VTI1A: variants seen among roughly 807,000 people sequenced by gnomAD.
VTI1A encodes vesicle transport through interaction with t-SNAREs 1A, also known as vesicle transport through interaction with t-SNAREs homolog 1A.
Under a neutral mutation model 34.9 loss-of-function variants are expected in VTI1A, and 22 were observed. The ratio of observed to expected loss-of-function variants is 0.63; its 90% CI spans 0.45 to 0.90. The LOEUF is 0.90. Among genes scored for constraint, VTI1A ranks in the 40% least tolerant of loss-of-function variants. VTI1A has a pLI of 0.00. For synonymous variants in VTI1A, 87 were observed against 97.3 expected, an observed-to-expected ratio of 0.89 and a Z score of 0.62; for missense variants, 268 against 275.6, an observed-to-expected ratio of 0.97 and a Z score of 0.20.
chr10:112,799,804 T>A (rs1371126485), intron 7 of VTI1A, among the ~76,000 whole-genome samples: 2 of 152,140 alleles, frequency 1.3e-5, no homozygotes. Context: ...GACAGCACAC[T>A]CTGCAGCGGT....
At chr10:112,460,357 C>G (rs972642801) in intron 1 of VTI1A, among the ~76,000 whole-genome samples, 167 bp from the exon 2 acceptor site, 3 of 151,664 alleles carry the variant, frequency 2.0e-5, no homozygotes, top group African/African-American at 7.3e-5. Flanking sequence ...AGCCTGGAAT[C>G]AATGGCTTAA....
rs547431344 is a variant in VTI1A, at chr10:112,736,799, C to T, written c.560+67801C>T. 4.8e-5 allele frequency: 68 copies of T among 1,419,870 alleles called. No homozygotes were observed. In the South Asian group the frequency reaches 8.1e-4, roughly 17 times the overall value. The allele number at this position is 1,419,870 out of a possible 1,614,324, so 88.0% of individuals were successfully genotyped here. On this transcript the variant is annotated intron_variant, in intron 7 of 7. Transcript: ENST00000393077. Reference sequence around the variant, plus strand: ...AACCAGAACCAGCCAGTGGAAATTACTCAAACACGTATTGTGCCTTCAATG... The same window carrying T: ...AACCAGAACCAGCCAGTGGAAATTATTCAAACACGTATTGTGCCTTCAATG...
chr10:112,752,638 CT>C, intron 7 of VTI1A: 1 of 942,780 alleles, frequency 1.1e-6, no homozygotes, highest in Non-Finnish European at 1.3e-6. Context: ...GGCCCATTTG[CT>C]TTAGCTAGGT....
chr10:112,586,317 A>G (rs1844155887), intron 5 of VTI1A, among the ~76,000 whole-genome samples: 1 of 152,166 alleles, frequency 6.6e-6, no homozygotes, highest in Admixed American at 6.5e-5. Context: ...ATTTTAAAAT[A>G]AGAACTAACC....
chr10:112,486,936 G>T lies in VTI1A; in HGVS notation c.264+22279G>T, dbSNP rs78564717. Among the ~76,000 whole-genome samples the T allele has an allele frequency of 3.3e-5, 5 of 151,246 alleles. No homozygotes were observed. In the East Asian group the frequency reaches 7.8e-4, roughly 24 times the overall value. ...TTGCCACATTTAATCTCTCTTTACC[G>T]CAGTGCATTGTGTATGGTTCTGTTA... On this transcript the variant is annotated intron_variant, in intron 3 of 7. Transcript: ENST00000393077.
At chr10:112,771,851 G>T (rs997239792) in intron 7 of VTI1A, among the ~76,000 whole-genome samples, 18 of 152,080 alleles carry the variant, frequency 1.2e-4, no homozygotes, top group Admixed American at 5.9e-4. Context: ...TGTTTTTAAG[G>T]TTTATCCTGG....
At chr10:112,854,500 C>T in the VTI1A span, among the ~76,000 whole-genome samples, 2 of 151,576 alleles carry the variant, frequency 1.3e-5, no homozygotes, top group African/African-American at 4.8e-5. Flanking sequence ...TTACAGTCAC[C>T]AGCTGGGCCC....
At chr10:112,527,386 A>G in intron 4 of VTI1A, 1 of 379,346 alleles carries the variant, frequency 2.6e-6, no homozygotes, top group East Asian at 4.3e-5. Context: ...TTTTAAAAAA[A>G]TCTTTTCTTC....
At position 112,748,657 on chromosome 10, in the gene VTI1A, G is replaced by A. The variant is rs554278528; in HGVS notation, c.561-66633G>A. ...TTTTTTTTTTTTGAGACGGAGTCTC[G>A]CTCTGTCGCCCAGGCTGGAGTGCAG... On this transcript the variant is annotated intron_variant, in intron 7 of 7. Coordinates refer to ENST00000393077, the MANE Select transcript of VTI1A (RefSeq NM_145206.4). 3.7e-3 allele frequency among the ~76,000 whole-genome samples: 433 copies of A among 116,798 alleles called. 2 individuals are homozygous for A. Among genetic ancestry groups the A allele is most frequent in the African/African-American group, 4.6e-3 (126 of 27,564 alleles). 76.6% of individuals were successfully genotyped at this position (116,798 alleles called of 152,430 possible).
chr10:112,852,811 G>C, the VTI1A span, among the ~76,000 whole-genome samples: 1 of 152,074 alleles, frequency 6.6e-6, no homozygotes, highest in Non-Finnish European at 1.5e-5. Context: ...ACAGAGTCTT[G>C]CTCTGTCGCC....
At chr10:112,622,747 T>C (rs1393306320) in intron 5 of VTI1A, among the ~76,000 whole-genome samples, 1 of 152,232 alleles carries the variant, frequency 6.6e-6, no homozygotes, top group African/African-American at 2.4e-5. Context: ...AGCTATACTT[T>C]CCAGTATTGG....
In VTI1A at chr10:112,817,898, C is replaced by T; in HGVS notation, c.*2515C>T. ...ATGGAGGAGGAAGAAGAGAAGGAAG[C>T]CCTTGCCATATAAAATTCATGCAGA... On this transcript the variant is annotated 3_prime_UTR_variant, in exon 8 of 8. Coordinates refer to ENST00000393077, the MANE Select transcript of VTI1A (RefSeq NM_145206.4). The T allele has an allele frequency of 4.3e-6, 1 of 233,084 alleles. No homozygotes were observed. The allele number at this position is 233,084 out of a possible 1,614,324, so 14.4% of individuals were successfully genotyped here.
rs143997685 is a variant in VTI1A at position 112,640,093 on chromosome 10, A to G, written c.428-28125A>G. Among the ~76,000 whole-genome samples, 362 of 152,300 alleles carry G rather than the reference A, an allele frequency of 2.4e-3. 3 individuals are homozygous for G. Among genetic ancestry groups the G allele is most frequent in the Admixed American group, 0.021 (318 of 15,286 alleles). ...ATATGAAATTATTTTTCTTTACCCA[A>G]AGACTTAAGTTCATGGAATATGAGA... is the stretch of plus-strand genomic sequence containing the variant. On this transcript the variant is annotated intron_variant, in intron 5 of 7. Coordinates refer to ENST00000393077, the MANE Select transcript of VTI1A (RefSeq NM_145206.4).
At chr10:112,725,523 A>G (rs1849990195) in intron 7 of VTI1A, among the ~76,000 whole-genome samples, 1 of 152,240 alleles carries the variant, frequency 6.6e-6, no homozygotes, top group Non-Finnish European at 1.5e-5. Context: ...GAAGTTCTCT[A>G]TCAACCTGTT....
At chr10:112,717,691 A>C (rs528182779) in intron 7 of VTI1A, among the ~76,000 whole-genome samples, 1 of 152,186 alleles carries the variant, frequency 6.6e-6, no homozygotes, top group African/African-American at 2.4e-5. Context: ...TTCTTACCCA[A>C]TCTAATAAGT....
In VTI1A at chr10:112,567,990, C is replaced by T. The variant is rs551951712; in HGVS notation, c.427+29660C>T. On this transcript the variant is annotated intron_variant, in intron 5 of 7. Coordinates refer to ENST00000393077, the MANE Select transcript of VTI1A (RefSeq NM_145206.4). ...ATCTTAAAGTGACTAAATCGATTTT[C>T]GGTACTTGGCAGTTAAGCTTGTGAT... Among the ~76,000 whole-genome samples, 8 of 152,238 alleles carry T rather than the reference C, an allele frequency of 5.3e-5. No homozygotes were observed. The East Asian group carries it at 5.8e-4, about 11-fold the overall frequency.
At chr10:112,451,614 T>C (rs1847242813) in intron 1 of VTI1A, among the ~76,000 whole-genome samples, 1 of 152,152 alleles carries the variant, frequency 6.6e-6, no homozygotes, top group South Asian at 2.1e-4. Flanking sequence ...GAAAGTGGTG[T>C]CGGACAAGGC....
intron 7 of VTI1A, among the ~76,000 whole-genome samples, chr10:112,780,129 A>AAAGC (rs1852074221): frequency 1.3e-5 from 2 of 150,934 alleles, no homozygotes; most frequent in Non-Finnish European, 3.0e-5. Context: ...AAAAAAAAAA[A>AAAGC]AAGCAAAAAT....
At chr10:112,730,985 A>G (rs771626030) in intron 7 of VTI1A, among the ~76,000 whole-genome samples, 23 of 152,190 alleles carry the variant, frequency 1.5e-4, no homozygotes, top group Non-Finnish European at 5.9e-5. Flanking sequence ...TCTGGGTAAT[A>G]TATAATTTCC....
Sources: allele counts gnomAD v4.1 joint callset (sites outside exome capture counted in the v4.1 genomes callset), GRCh38; gene constraint gnomAD v4.1.1; transcripts MANE v1.5; gene names NCBI Gene and HGNC (gene_info 2026-07-23, HGNC 2026-07-21).